Variants in ACOT7 observed in about 807,000 individuals in gnomAD.
ACOT7 encodes the protein acyl-CoA thioesterase 7, also known as cytosolic acyl coenzyme A thioester hydrolase.
In ACOT7, 12 loss-of-function variants were observed where a neutral mutation model predicts 40.2. The ratio of observed to expected loss-of-function variants is 0.30; its 90% CI spans 0.19 to 0.48. ACOT7 has a LOEUF of 0.48. Ranked by LOEUF, ACOT7 falls within the 20% of genes least tolerant of loss-of-function variation. ACOT7 has a pLI of 0.99. For synonymous variants in ACOT7, 228 were observed against 219.5 expected (o/e 1.04, Z -0.34); for missense variants, 395 against 530.8 (o/e 0.74, Z 2.51).
chr1:6,277,204 G>A (rs1639221785), intron 8 of ACOT7, among the ~76,000 whole-genome samples: 1 of 152,236 alleles, frequency 6.6e-6, no homozygotes. Flanking sequence ...CTGGCCCCTC[G>A]TGGTCACTGC....
At position 6,289,052 on chromosome 1, in the gene ACOT7, C is replaced by T. The variant is rs897566562; in HGVS notation, c.829+5812G>A. Among the ~76,000 whole-genome samples the T allele has an allele frequency of 6.6e-6, 1 of 152,188 alleles. No individual in the cohort carries two copies. The highest frequency in any genetic ancestry group is 6.5e-5 in the Admixed American group (1 of 15,278). ...CTGCCTTAAATCTGGAGAAGCCACC[C>T]CACAGGTCTGGCGTCTCCATTCCGC... On this transcript the variant is annotated intron_variant, in intron 7 of 8. Transcript: ENST00000361521. This position sits in a 1 kb window ranked among gnomAD's most constrained non-coding sequence, Gnocchi z 4.6.
rs1182222810 is a variant in ACOT7 at position 6,299,606 on chromosome 1, G to A, written c.713-4626C>T. Among the ~76,000 whole-genome samples the A allele has an allele frequency of 8.6e-5, 13 of 151,980 alleles. No individual in the cohort carries two copies. The highest frequency in any genetic ancestry group is 1.3e-4 in the Non-Finnish European group (9 of 67,986). The stretch of plus-strand genomic sequence containing the variant: ...ACACAGAGGGCAGAGAGGCCCACCC[G>A]GCCACCTCCTGACTAGGTACTAGGT... On this transcript the variant is annotated intron_variant, in intron 6 of 8. Transcript: ENST00000361521. This position sits in a 1 kb window ranked among gnomAD's most constrained non-coding sequence, Gnocchi z 4.1.
rs138448126 is a variant in ACOT7, at chr1:6,378,836, A to G, written c.143+14421T>C. Among the ~76,000 whole-genome samples the G allele has an allele frequency of 1.1e-4, 17 of 151,982 alleles. No individual in the cohort carries two copies. The East Asian group carries it at 3.3e-3, about 29-fold the overall frequency. On this transcript the variant is annotated intron_variant, in intron 1 of 8. Transcript: ENST00000361521. Reference sequence around the variant, plus strand: ...GAGGGAAACAGATGTGGACAGGTGCACGGCGTGGCCTGCCCCTGAGAAGTA... The same window carrying G: ...GAGGGAAACAGATGTGGACAGGTGCGCGGCGTGGCCTGCCCCTGAGAAGTA...
Position 6,301,473 on chromosome 1 carries a change from G to A in ACOT7, c.713-6493C>T, listed in dbSNP as rs1364613405. 6.6e-6 allele frequency among the ~76,000 whole-genome samples: 1 copy of A among 152,168 alleles called. No individual in the cohort carries two copies. Among genetic ancestry groups the A allele is most frequent in the Non-Finnish European group, 1.5e-5 (1 of 68,030 alleles). ...CGAATACCCTCTTCACCACCCCCAT[G>A]CTCCTGCAGGCTCCACACGGCACCC... On this transcript the variant is annotated intron_variant, in intron 6 of 8. Transcript: ENST00000361521. This position sits in a 1 kb window ranked among gnomAD's most constrained non-coding sequence, Gnocchi z 4.1.
At chr1:6,326,288 G>A (rs773675143) in intron 5 of ACOT7, among the ~76,000 whole-genome samples, 2 of 152,322 alleles carry the variant, frequency 1.3e-5, no homozygotes, top group African/African-American at 2.4e-5. Context: ...CCTTTTCCTA[G>A]GGGGACAGAT....
In ACOT7 at chr1:6,301,982, G is replaced by A. The variant is rs950785198; in HGVS notation, c.713-7002C>T. On this transcript the variant is annotated intron_variant, in intron 6 of 8. Coordinates refer to ENST00000361521, the MANE Select transcript of ACOT7 (RefSeq NM_007274.4). The surrounding 1 kb of genome is among the most constrained non-coding windows in gnomAD (Gnocchi z 4.1). ...GAAACAACAACTTTATACTAACGAT[G>A]GAAAAGGCCAAGACTGGTGGATGGA... Among the ~76,000 whole-genome samples, 2 of 152,218 alleles carry A rather than the reference G, an allele frequency of 1.3e-5. No homozygotes were observed. The highest frequency in any genetic ancestry group is 4.8e-5 in the African/African-American group (2 of 41,456).
rs149184325 is a variant in ACOT7, at chr1:6,355,771, G to A, written c.144-5905C>T. ...GCCGGCCAGCACTCATCCCAAGAGCGCCTACAGCAGCGGCCCTGGGGTCCA... is the reference window on the plus strand; with the variant it reads ...GCCGGCCAGCACTCATCCCAAGAGCACCTACAGCAGCGGCCCTGGGGTCCA... On this transcript the variant is annotated intron_variant, in intron 1 of 8. Coordinates refer to ENST00000361521, the MANE Select transcript of ACOT7 (RefSeq NM_007274.4). The surrounding 1 kb of genome is among the most constrained non-coding windows in gnomAD (Gnocchi z 5.0). Among the ~76,000 whole-genome samples, 559 of 152,332 alleles carry A rather than the reference G, an allele frequency of 3.7e-3. 4 individuals carry two copies. Among genetic ancestry groups the A allele is most frequent in the African/African-American group, 0.013 (521 of 41,572 alleles).
rs564751329 is a variant in ACOT7 at position 6,279,060 on chromosome 1, C to T, written c.1014+2042G>A. On this transcript the variant is annotated intron_variant, in intron 8 of 8. Transcript: ENST00000361521. ...CTGAAAAGCGTCATGGGAGGGGCGT[C>T]GGGTCCATGGGGAGAGACCAGAGCG... is the stretch of plus-strand genomic sequence containing the variant. Among the ~76,000 whole-genome samples the T allele has an allele frequency of 2.8e-4, 42 of 152,298 alleles. No homozygotes were observed. In the South Asian group the frequency reaches 3.3e-3, roughly 12 times the overall value.
intron 7 of ACOT7, among the ~76,000 whole-genome samples, chr1:6,292,889 C>CTTTTTTTTT (rs973103642): frequency 8.0e-6 from 1 of 125,102 alleles, no homozygotes; most frequent in Non-Finnish European, 1.7e-5. Context: ...ATTTCTTTTT[C>CTTTTTTTTT]TTTTTTTTTT....
intron 5 of ACOT7, among the ~76,000 whole-genome samples, chr1:6,326,225 A>G (rs1640794362): frequency 6.6e-6 from 1 of 152,104 alleles, no homozygotes; most frequent in African/African-American, 2.4e-5. Context: ...CATGACCACC[A>G]TGTGTGCAGT....
At chr1:6,378,372 C>T (rs937001645) in intron 1 of ACOT7, among the ~76,000 whole-genome samples, 3 of 151,918 alleles carry the variant, frequency 2.0e-5, no homozygotes, top group Admixed American at 6.5e-5. Flanking sequence ...ACACAGACCA[C>T]GGGCCTTCCC....
At chr1:6,342,330 C>G (rs573135564) in intron 2 of ACOT7, among the ~76,000 whole-genome samples, 1 of 152,228 alleles carries the variant, frequency 6.6e-6, no homozygotes, top group South Asian at 2.1e-4. Flanking sequence ...GCCCCACCCC[C>G]TAATACCATC....
chr1:6,388,099 C>A (rs1308591380), intron 1 of ACOT7, among the ~76,000 whole-genome samples: 1 of 150,998 alleles, frequency 6.6e-6, no homozygotes, highest in East Asian at 2.0e-4. Context: ...CGCCACTACG[C>A]CCAGCTAACT....
intron 2 of ACOT7, among the ~76,000 whole-genome samples, chr1:6,347,541 G>C (rs141667803): frequency 6.3e-4 from 96 of 152,304 alleles, no homozygotes; most frequent in Non-Finnish European, 1.1e-3. Context: ...GACGTGGGCA[G>C]ATCACTTGAA....
At chr1:6,351,028 C>T (rs1003242129) in intron 1 of ACOT7, among the ~76,000 whole-genome samples, 19 of 152,322 alleles carry the variant, frequency 1.2e-4, no homozygotes, top group African/African-American at 4.1e-4. Context: ...ATAGTCCACA[C>T]GTTAACTAGG....
At chr1:6,312,826 T>C (rs992615225) in intron 6 of ACOT7, among the ~76,000 whole-genome samples, 3 of 152,178 alleles carry the variant, frequency 2.0e-5, no homozygotes, top group Non-Finnish European at 4.4e-5. Flanking sequence ...CCCATAAATA[T>C]ATATACCTAC....
chr1:6,270,561 G>A lies in ACOT7; in HGVS notation c.1015-5866C>T, dbSNP rs547024728. ...CCCCATGTATCCCGGGCACCTGCCTGATGGAAGGGATGGGGCAGCATGGCC... is the reference window on the plus strand; with the variant it reads ...CCCCATGTATCCCGGGCACCTGCCTAATGGAAGGGATGGGGCAGCATGGCC... On this transcript the variant is annotated intron_variant, in intron 8 of 8. Transcript: ENST00000361521. 8.5e-5 allele frequency among the ~76,000 whole-genome samples: 13 copies of A among 152,346 alleles called. No individual in the cohort carries two copies. In the South Asian group the frequency reaches 2.3e-3, roughly 27 times the overall value.
At chr1:6,273,725 G>C (rs915841039) in intron 8 of ACOT7, among the ~76,000 whole-genome samples, 4 of 152,288 alleles carry the variant, frequency 2.6e-5, no homozygotes, top group Non-Finnish European at 5.9e-5. Context: ...AAGGAAGCCA[G>C]TGTAAGAGCC....
chr1:6,341,538 C>G (rs913467482), intron 2 of ACOT7, among the ~76,000 whole-genome samples: 5 of 150,928 alleles, frequency 3.3e-5, no homozygotes, highest in Non-Finnish European at 4.4e-5. Flanking sequence ...GTCAGGAGAT[C>G]GAGACCATCC....
Sources: gnomAD v4.1 joint callset for allele counts (sites outside exome capture counted in the v4.1 genomes callset) on GRCh38, gnomAD v4.1.1 for gene constraint, Gnocchi (gnomAD v3.1) non-coding constraint, MANE v1.5 for transcripts, NCBI Gene and HGNC (gene_info 2026-07-23, HGNC 2026-07-21) for gene names.